WDR49: variants seen among roughly 807,000 people sequenced by gnomAD.
The protein encoded by WDR49 is cilia- and flagella-associated protein 337.
Under a neutral mutation model 119.5 loss-of-function variants are expected in WDR49, and 107 were observed. That is an observed-to-expected ratio of 0.90 (90% CI 0.77 to 1.05). WDR49 has a LOEUF of 1.05. WDR49 is among the 50% of genes least tolerant of loss of function. The pLI is 0.00. For missense variants in WDR49, 1,240 were observed against 1,220.5 expected (o/e 1.02, Z -0.24); for synonymous variants, 425 against 418.8 (o/e 1.01, Z -0.18).
intron 7 of WDR49, among the ~76,000 whole-genome samples, chr3:167,596,870 TAATAAATAAATA>T (rs200934043): frequency 6.7e-4 from 94 of 141,346 alleles, no homozygotes; most frequent in African/African-American, 2.1e-3. Context: ...TAAAGTATAA[TAATAAATAAATA>T]AATAAATAAA....
intron 18 of WDR49, among the ~76,000 whole-genome samples, chr3:167,485,194 G>C (rs114235439): frequency 0.015 from 2,325 of 152,032 alleles, 59 homozygotes; most frequent in African/African-American, 0.054. Flanking sequence ...GGTCTATTGG[G>C]TGGTTGGGGG....
chr3:167,543,735 C>T (rs1181343604), intron 10 of WDR49, among the ~76,000 whole-genome samples: 2 of 151,844 alleles, frequency 1.3e-5, no homozygotes, highest in African/African-American at 4.8e-5. Context: ...TGAAACAAGA[C>T]AAAAATGCCC....
chr3:167,551,821 T>C (rs78023241), intron 10 of WDR49, among the ~76,000 whole-genome samples: 2,147 of 152,000 alleles, frequency 0.014, 136 homozygotes, highest in Admixed American at 0.12. Flanking sequence ...TCAACAAATA[T>C]CACCAAGTAT....
intron 5 of WDR49, among the ~76,000 whole-genome samples, chr3:167,607,609 C>T (rs758547893): frequency 6.6e-6 from 1 of 152,138 alleles, no homozygotes; most frequent in African/African-American, 2.4e-5. Context: ...TGAGACTGAA[C>T]CCAGTCCTGT....
At position 167,627,138 on chromosome 3, in the gene WDR49, G is replaced by A; in HGVS notation, c.320C>T (p.Thr107Ile). The stretch of plus-strand genomic sequence containing the variant: ...ATAAAGCTCTAGCAGTATAAATGAA[G>A]TCAGCTTGTCCCAATTAATGAAGCC... Reference protein sequence around the residue: ...QDGFINWDKLTSFILLELYEQ... With the variant: ...QDGFINWDKLISFILLELYEQ... The change falls in exon 3 of 19, where the codon ACT becomes ATT. Residue 107 changes from threonine (T) to isoleucine (I), a missense_variant. By Grantham distance (89) the Thr-to-Ile change is moderately conservative (BLOSUM62 -1). Coordinates refer to ENST00000682715, the MANE Select transcript of WDR49 (RefSeq NM_001366157.1). 1.6e-6 allele frequency: 2 copies of A among 1,263,974 alleles called. No individual in the cohort carries two copies. Among genetic ancestry groups the A allele is most frequent in the Non-Finnish European group, 2.0e-6 (2 of 1,004,878 alleles). The allele number at this position is 1,263,974 out of a possible 1,614,324, so 78.3% of individuals were successfully genotyped here. A position where few individuals can be genotyped will look rare whatever the true frequency, so the allele number is the denominator to read the frequency against.
At chr3:167,572,986 A>G (rs1714022929) in intron 8 of WDR49, among the ~76,000 whole-genome samples, 2 of 152,240 alleles carry the variant, frequency 1.3e-5, no homozygotes, top group Admixed American at 1.3e-4. Context: ...AATTCTTCCT[A>G]ACATTTGTCA....
At chr3:167,519,949 T>C (rs1752374462) in intron 16 of WDR49, among the ~76,000 whole-genome samples, 1 of 151,994 alleles carries the variant, frequency 6.6e-6, no homozygotes, top group South Asian at 2.1e-4. Context: ...AAAAAAGTGT[T>C]TAGGATGGGA....
chr3:167,612,032 C>T (rs1716363467), intron 5 of WDR49, among the ~76,000 whole-genome samples: 1 of 152,162 alleles, frequency 6.6e-6, no homozygotes, highest in Admixed American at 6.5e-5. Flanking sequence ...GCAGAATACA[C>T]ATTCTTTTCC....
intron 9 of WDR49, among the ~76,000 whole-genome samples, chr3:167,555,764 T>A (rs1712886286): frequency 7.2e-6 from 1 of 137,960 alleles, no homozygotes; most frequent in Non-Finnish European, 1.6e-5. Context: ...TAGGAGAAAC[T>A]GATTTTTTTC....
chr3:167,512,228 C>T (rs1560259534), intron 16 of WDR49, among the ~76,000 whole-genome samples: 1 of 152,122 alleles, frequency 6.6e-6, no homozygotes, highest in Non-Finnish European at 1.5e-5. Context: ...AGTGCACCTC[C>T]AGGATGGATC....
At chr3:167,495,824 A>C (rs1751331134) in intron 18 of WDR49, among the ~76,000 whole-genome samples, 1 of 149,798 alleles carries the variant, frequency 6.7e-6, no homozygotes, top group African/African-American at 2.5e-5. Flanking sequence ...AATAACATTA[A>C]GAGCAGGATT....
chr3:167,652,422 C>T (rs967421460), intron 2 of WDR49, among the ~76,000 whole-genome samples: 1 of 152,052 alleles, frequency 6.6e-6, no homozygotes, highest in African/African-American at 2.4e-5. Flanking sequence ...TCCAAGCACC[C>T]ACGGACAATC....
intron 7 of WDR49, among the ~76,000 whole-genome samples, chr3:167,596,475 G>A (rs1344126130): frequency 2.0e-5 from 3 of 151,048 alleles, no homozygotes; most frequent in Non-Finnish European, 4.4e-5. Flanking sequence ...CAACCCAAAT[G>A]TCCAACAATG....
chr3:167,657,466 T>C (rs1718632728), upstream of WDR49, among the ~76,000 whole-genome samples: 1 of 152,108 alleles, frequency 6.6e-6, no homozygotes, highest in African/African-American at 2.4e-5. Context: ...TGCCCACCAT[T>C]GCTCAGAGAC....
At chr3:167,640,673 C>G (rs1193636293) in intron 2 of WDR49, among the ~76,000 whole-genome samples, 1 of 151,764 alleles carries the variant, frequency 6.6e-6, no homozygotes, top group Non-Finnish European at 1.5e-5. Flanking sequence ...GAGTTATGTG[C>G]AAGACCCCAA....
intron 2 of WDR49, among the ~76,000 whole-genome samples, chr3:167,638,716 T>A (rs1717734157): frequency 6.6e-6 from 1 of 151,634 alleles, no homozygotes; most frequent in East Asian, 1.9e-4. Context: ...TCCATAGCGC[T>A]CTTTTTTTCT....
chr3:167,650,637 TAGGAATGAAGAC>T, intron 2 of WDR49, among the ~76,000 whole-genome samples: 1 of 152,200 alleles, frequency 6.6e-6, no homozygotes, highest in Non-Finnish European at 1.5e-5. Context: ...CCACAACTAA[TAGGAATGAAGAC>T]GCATAGCAGC....
At chr3:167,516,184 G>C (rs1294083521) in intron 16 of WDR49, among the ~76,000 whole-genome samples, 5 of 152,078 alleles carry the variant, frequency 3.3e-5, no homozygotes, top group African/African-American at 1.2e-4. Flanking sequence ...GTGCCATGTT[G>C]TTGTGCTGCA....
intron 7 of WDR49, among the ~76,000 whole-genome samples, chr3:167,586,176 G>A (rs1191315543): frequency 6.6e-6 from 1 of 152,150 alleles, no homozygotes; most frequent in East Asian, 1.9e-4. Flanking sequence ...ACCAAATCAG[G>A]ATTAGTGGCC....
Sources: gnomAD v4.1 joint callset for allele counts (sites outside exome capture counted in the v4.1 genomes callset) on GRCh38, gnomAD v4.1.1 for gene constraint, MANE v1.5 for transcripts, NCBI Gene and HGNC (gene_info 2026-07-23, HGNC 2026-07-21) for gene names.